The following ZZZ3 variants were observed in gnomAD, a reference collection of about 807,000 sequenced individuals.
ZZZ3 encodes zinc finger ZZ-type containing 3.
ZZZ3 carries 22 observed loss-of-function variants against 95.2 expected under a neutral mutation model. The ratio of observed to expected loss-of-function variants is 0.23; its 90% CI spans 0.17 to 0.33. ZZZ3 has a LOEUF of 0.33. ZZZ3 is among the 10% of genes least tolerant of loss of function. The pLI is 1.00. For missense variants in ZZZ3, 885 were observed against 1,066.5 expected (o/e 0.83, Z 2.37); for synonymous variants, 335 against 358.9 (o/e 0.93, Z 0.75).
At chr1:77,588,713 C>CAA (rs145698640) in intron 5 of ZZZ3, among the ~76,000 whole-genome samples, 2 of 149,274 alleles carry the variant, frequency 1.3e-5, no homozygotes, top group East Asian at 2.0e-4. Context: ...TAGAATAACT[C>CAA]AAAAAAAAAA....
chr1:77,664,553 T>C (rs1450402398), intron 1 of ZZZ3, among the ~76,000 whole-genome samples: 1 of 152,210 alleles, frequency 6.6e-6, no homozygotes, highest in Non-Finnish European at 1.5e-5. Context: ...ATTTTACTCA[T>C]GTAATTTTTT....
chr1:77,565,597 G>A lies in ZZZ3; in HGVS notation c.*43C>T. The A allele has an allele frequency of 6.3e-7, 1 of 1,589,342 alleles. No individual in the cohort carries two copies. The highest frequency in any genetic ancestry group is 8.6e-7 in the Non-Finnish European group (1 of 1,164,474). ...GCACATAATTAACAATGATACCATT[G>A]CTATGTGTTGAAGAGGACTAGTAAA... On this transcript the variant is annotated 3_prime_UTR_variant, in exon 15 of 15. Coordinates refer to ENST00000370801, the MANE Select transcript of ZZZ3 (RefSeq NM_015534.6).
chr1:77,589,412 T>TTTTATTTATTTA (rs71244406), intron 5 of ZZZ3, among the ~76,000 whole-genome samples: 17 of 144,564 alleles, frequency 1.2e-4, no homozygotes, highest in East Asian at 4.1e-4. Context: ...TGGAGGTTGA[T>TTTTATTTATTTA]TTTATTTATT....
chr1:77,602,892 C>G (rs903122981), intron 5 of ZZZ3, among the ~76,000 whole-genome samples: 8 of 152,002 alleles, frequency 5.3e-5, no homozygotes, highest in African/African-American at 1.9e-4. Context: ...CATGAGTCAC[C>G]ACGCTCGGCT....
At position 77,633,182 on chromosome 1, in the gene ZZZ3, G is replaced by A. The variant is rs762753612; in HGVS notation, c.173C>T (p.Pro58Leu). 6.2e-7 allele frequency: 1 copy of A among 1,614,006 alleles called. No homozygotes were observed. Among genetic ancestry groups the A allele is most frequent in the South Asian group, 1.1e-5 (1 of 91,064 alleles). ...RSPKKRPEPV[P>L]IQKGNNNGRT... ...CCCATTATTATTTCCTTTCTGAATT[G>A]GCACAGGCTCTGGTCTCTTCTTTGG... The change falls in exon 5 of 15, where the codon CCA becomes CTA. Residue 58 changes from proline to leucine, a missense_variant. Coordinates refer to ENST00000370801, the MANE Select transcript of ZZZ3 (RefSeq NM_015534.6).
At chr1:77,621,261 C>T (rs1038164972) in intron 5 of ZZZ3, among the ~76,000 whole-genome samples, 1 of 151,938 alleles carries the variant, frequency 6.6e-6, no homozygotes, top group Admixed American at 6.6e-5. Context: ...GGGAGGATCA[C>T]TTGACACCCA....
intron 1 of ZZZ3, among the ~76,000 whole-genome samples, chr1:77,667,641 A>G (rs1189667935): frequency 6.6e-6 from 1 of 152,074 alleles, no homozygotes; most frequent in Non-Finnish European, 1.5e-5. Flanking sequence ...TGAATGCTCT[A>G]TTAAGTGAAT....
chr1:77,663,997 G>A (rs1019770929), intron 1 of ZZZ3, among the ~76,000 whole-genome samples: 8 of 151,152 alleles, frequency 5.3e-5, no homozygotes, highest in Non-Finnish European at 8.8e-5. Context: ...TGATCCGCCC[G>A]CCTCAGCCTC....
chr1:77,565,650 G>A lies in ZZZ3; in HGVS notation c.2702C>T (p.Ala901Val), dbSNP rs1383745707. 3 of 1,613,586 alleles carry A rather than the reference G, an allele frequency of 1.9e-6. No homozygotes were observed. Among genetic ancestry groups the A allele is most frequent in the Non-Finnish European group, 2.5e-6 (3 of 1,179,744 alleles). ...ATGTTCTCTTCCATGTCATCTGTTT[G>A]CTGGAAAGTAGTTTGGGTCAAGGTA... ...YNYLDPNYFP[A>V]NR The change falls in exon 15 of 15, where the codon GCA (alanine) becomes GTA (valine). Residue 901 changes from alanine (A) to valine (V), a missense_variant. Ala to Val is a moderately conservative substitution (Grantham distance 64). Coordinates refer to ENST00000370801, the MANE Select transcript of ZZZ3 (RefSeq NM_015534.6).
At chr1:77,606,486 C>CAAACAT (rs1665246209) in intron 5 of ZZZ3, among the ~76,000 whole-genome samples, 5 of 152,014 alleles carry the variant, frequency 3.3e-5, no homozygotes, top group Admixed American at 2.6e-4. Context: ...GAGCCTTGAG[C>CAAACAT]AAACATAGGC....
At chr1:77,592,788 T>A (rs1267678269) in intron 5 of ZZZ3, among the ~76,000 whole-genome samples, 2 of 152,250 alleles carry the variant, frequency 1.3e-5, no homozygotes, top group East Asian at 3.9e-4. Flanking sequence ...CGGTTCAAAT[T>A]TTCACTTCTG....
chr1:77,582,064 T>C lies in ZZZ3; in HGVS notation c.1707A>G (p.Gln569=). 2 of 1,613,150 alleles carry C rather than the reference T, an allele frequency of 1.2e-6. No individual in the cohort carries two copies. The highest frequency in any genetic ancestry group is 2.2e-5 in the East Asian group (1 of 44,860). Residue 569 remains glutamine (Q), a synonymous_variant, in exon 7 of 15, where the codon CAA becomes CAG. Coordinates refer to ENST00000370801, the MANE Select transcript of ZZZ3 (RefSeq NM_015534.6). ...CAAAATTCCCAAGGCTATGGGTATA[T>C]TGGTCCCATACGATCTCAGGCAATT... ...VVQLPEIVWD[Q]YTHSLGNFER... is the part of the protein sequence containing the mutation.
At chr1:77,574,179 T>C (rs1178437858) in intron 12 of ZZZ3, among the ~76,000 whole-genome samples, 1 of 148,364 alleles carries the variant, frequency 6.7e-6, no homozygotes, top group African/African-American at 2.4e-5. Context: ...TATATAGATT[T>C]ATATAGATAT....
intron 1 of ZZZ3, among the ~76,000 whole-genome samples, chr1:77,655,802 C>G (rs1670222193): frequency 6.6e-6 from 1 of 152,166 alleles, no homozygotes; most frequent in South Asian, 2.1e-4. Context: ...TCCAAAAAAT[C>G]CCTTTGTTGA....
rs1434619074 is a variant in ZZZ3, at chr1:77,562,652, A to G, written c.*2988T>C. The G allele has an allele frequency of 1.3e-5, 2 of 152,246 alleles. No individual in the cohort carries two copies. Among genetic ancestry groups the G allele is most frequent in the Admixed American group, 6.5e-5 (1 of 15,284 alleles). 9.4% of individuals were successfully genotyped at this position (152,246 alleles called of 1,614,324 possible). ...GTTAAGTGAGAAGCACCCAACATGC[A>G]TAGAAGAAAATCCTACCCAAGGCAG... On this transcript the variant is annotated 3_prime_UTR_variant, in exon 15 of 15. Coordinates refer to ENST00000370801, the MANE Select transcript of ZZZ3 (RefSeq NM_015534.6).
chr1:77,670,428 T>A (rs943764514), intron 1 of ZZZ3, among the ~76,000 whole-genome samples: 1 of 152,088 alleles, frequency 6.6e-6, no homozygotes, highest in African/African-American at 2.4e-5. Context: ...GCCTGGCTAA[T>A]TTTTTGTTTT....
At chr1:77,600,394 T>C (rs773554774) in intron 5 of ZZZ3, among the ~76,000 whole-genome samples, 3 of 152,182 alleles carry the variant, frequency 2.0e-5, no homozygotes, top group Admixed American at 2.0e-4. Flanking sequence ...ACTGGAGATA[T>C]AACAGTGAAC....
At chr1:77,638,266 C>T (rs939953125) in intron 4 of ZZZ3, among the ~76,000 whole-genome samples, 1 of 152,188 alleles carries the variant, frequency 6.6e-6, no homozygotes, top group African/African-American at 2.4e-5. Flanking sequence ...TATAATTTCA[C>T]ATATCCTACC....
chr1:77,622,442 T>C (rs538429603), intron 5 of ZZZ3, among the ~76,000 whole-genome samples: 2 of 131,286 alleles, frequency 1.5e-5, no homozygotes, highest in South Asian at 2.3e-4. Flanking sequence ...CAAGGAAAAA[T>C]AGATTTCTCC....
Sources: gnomAD v4.1 joint callset for allele counts (sites outside exome capture counted in the v4.1 genomes callset) on GRCh38, gnomAD v4.1.1 for gene constraint, MANE v1.5 for transcripts, NCBI Gene and HGNC (gene_info 2026-07-23, HGNC 2026-07-21) for gene names.